AKT3: variants seen among roughly 807,000 people sequenced by gnomAD.
AKT3 encodes AKT serine/threonine kinase 3.
Under a neutral mutation model 65.3 loss-of-function variants are expected in AKT3, and 15 were observed. The observed-to-expected ratio is 0.23, with a 90% CI of 0.15 to 0.35. The LOEUF is 0.35. Ranked by LOEUF, AKT3 falls within the 10% of genes least tolerant of loss-of-function variation. The pLI, the probability that AKT3 is intolerant of heterozygous loss-of-function variation, is 1.00. For synonymous variants in AKT3, 206 were observed against 183.8 expected (o/e 1.12, Z -0.98); for missense variants, 243 against 576.5 (o/e 0.42, Z 5.92).
intron 2 of AKT3, among the ~76,000 whole-genome samples, chr1:243,775,509 C>T (rs1381441478): frequency 1.3e-5 from 2 of 152,144 alleles, no homozygotes; most frequent in East Asian, 3.9e-4. Context: ...AGTCACTCAC[C>T]CACCGGCCAT....
intron 2 of AKT3, among the ~76,000 whole-genome samples, chr1:243,760,282 CTTTTT>C (rs58733457): frequency 6.2e-5 from 5 of 80,912 alleles, no homozygotes; most frequent in South Asian, 5.6e-4. Flanking sequence ...CTATATCTGG[CTTTTT>C]TTTTTTTTTT....
chr1:243,771,571 T>A (rs1690187272), intron 2 of AKT3, among the ~76,000 whole-genome samples: 1 of 152,068 alleles, frequency 6.6e-6, no homozygotes, highest in Non-Finnish European at 1.5e-5. Context: ...AACTTCAGAG[T>A]TAGCTATCTG....
At chr1:243,515,808 G>C (rs1650989142) in intron 12 of AKT3, among the ~76,000 whole-genome samples, 1 of 152,004 alleles carries the variant, frequency 6.6e-6, no homozygotes, top group Non-Finnish European at 1.5e-5. Context: ...GGCTAACATG[G>C]GAAACCCCCG....
At chr1:243,570,913 T>C (rs576338556) in intron 9 of AKT3, among the ~76,000 whole-genome samples, 87 of 152,382 alleles carry the variant, frequency 5.7e-4, no homozygotes, top group Non-Finnish European at 1.1e-3. Context: ...TGGTAACTAA[T>C]TGACTGATAT....
chr1:243,543,399 T>C (rs1484029904), intron 12 of AKT3, among the ~76,000 whole-genome samples: 1 of 152,216 alleles, frequency 6.6e-6, no homozygotes, highest in Non-Finnish European at 1.5e-5. Flanking sequence ...TCCTTGAATT[T>C]ACAGGGCCAC....
intron 8 of AKT3, among the ~76,000 whole-genome samples, chr1:243,585,822 T>C (rs1292885900): frequency 6.6e-6 from 1 of 152,112 alleles, no homozygotes. Flanking sequence ...TTCTTGACAT[T>C]GGCACTGGAA....
intron 2 of AKT3, among the ~76,000 whole-genome samples, chr1:243,701,232 A>G (rs1004355628): frequency 4.6e-5 from 7 of 152,254 alleles, no homozygotes; most frequent in Admixed American, 1.3e-4. Flanking sequence ...GAATATCTAG[A>G]TTTGTTCAGA....
At chr1:243,714,647 A>T (rs937596927) in intron 2 of AKT3, among the ~76,000 whole-genome samples, 2 of 152,214 alleles carry the variant, frequency 1.3e-5, no homozygotes, top group African/African-American at 4.8e-5. Context: ...TTAAATAGTT[A>T]TTAAGTACTC....
intron 12 of AKT3, among the ~76,000 whole-genome samples, chr1:243,542,742 C>G (rs1672405966): frequency 2.0e-5 from 3 of 152,112 alleles, no homozygotes; most frequent in Non-Finnish European, 4.4e-5. Context: ...AACCCCCAGG[C>G]TGGTTCTCAA....
intron 3 of AKT3, among the ~76,000 whole-genome samples, chr1:243,677,877 A>G (rs1331667457): frequency 6.6e-6 from 1 of 152,154 alleles, no homozygotes; most frequent in Admixed American, 6.5e-5. Flanking sequence ...ACCTGAGGTC[A>G]GGAGTTCGAG....
At chr1:243,526,503 G>A (rs1017275350) in intron 12 of AKT3, among the ~76,000 whole-genome samples, 2 of 152,020 alleles carry the variant, frequency 1.3e-5, no homozygotes, top group East Asian at 1.9e-4. Context: ...AATCTCCCAC[G>A]AGAATCTTAA....
chr1:243,659,283 A>C (rs1397743679), intron 4 of AKT3, among the ~76,000 whole-genome samples: 1 of 152,194 alleles, frequency 6.6e-6, no homozygotes, highest in Non-Finnish European at 1.5e-5. Context: ...ATGGAGAGCT[A>C]CTGTTCAATG....
chr1:243,685,717 A>G (rs903287386), intron 3 of AKT3, among the ~76,000 whole-genome samples: 1 of 152,090 alleles, frequency 6.6e-6, no homozygotes, highest in African/African-American at 2.4e-5. Flanking sequence ...GCCCTCTCTC[A>G]CCACTCCTAT....
chr1:243,589,046 G>A (rs912745289), intron 8 of AKT3, among the ~76,000 whole-genome samples: 1 of 152,030 alleles, frequency 6.6e-6, no homozygotes, highest in Non-Finnish European at 1.5e-5. Flanking sequence ...AGTGGCTCAC[G>A]CCTGCAATCC....
intron 2 of AKT3, among the ~76,000 whole-genome samples, chr1:243,798,522 G>A (rs1558821356): frequency 6.8e-6 from 1 of 147,038 alleles, no homozygotes; most frequent in East Asian, 2.0e-4. Context: ...TCATAGGCAT[G>A]AGACTTTGTG....
At position 243,502,214 on chromosome 1, in the gene AKT3, T is replaced by C; in HGVS notation, c.*3035A>G. Reference sequence around the variant, plus strand: ...CAGTACAAACAGTAGCAGCAAAGTGTGTATGTTGAGGTGTAATAGAGAGAC... The same window carrying C: ...CAGTACAAACAGTAGCAGCAAAGTGCGTATGTTGAGGTGTAATAGAGAGAC... On this transcript the variant is annotated 3_prime_UTR_variant, in exon 14 of 14. Coordinates refer to ENST00000673466, the MANE Select transcript of AKT3 (RefSeq NM_005465.7). 4.3e-6 allele frequency: 1 copy of C among 232,470 alleles called. No individual in the cohort carries two copies. The highest frequency in any genetic ancestry group is 5.6e-5 in the Admixed American group (1 of 17,768). 14.4% of individuals were successfully genotyped at this position (232,470 alleles called of 1,614,324 possible). A position where few individuals can be genotyped will look rare whatever the true frequency, so the allele number is the denominator to read the frequency against.
chr1:243,689,482 ATTTTTTTTT>A (rs11354558), intron 3 of AKT3, among the ~76,000 whole-genome samples: 3 of 128,388 alleles, frequency 2.3e-5, no homozygotes, highest in African/African-American at 5.9e-5. Context: ...TTATTCAAAG[ATTTTTTTTT>A]TTTTTTTTTT....
At chr1:243,578,906 A>C (rs1204388341) in intron 8 of AKT3, among the ~76,000 whole-genome samples, 2 of 152,222 alleles carry the variant, frequency 1.3e-5, no homozygotes, top group Non-Finnish European at 2.9e-5. Flanking sequence ...CCAGATACAT[A>C]AACTTTTCTA....
At chr1:243,680,608 T>C (rs1198570720) in intron 3 of AKT3, among the ~76,000 whole-genome samples, 1 of 152,064 alleles carries the variant, frequency 6.6e-6, no homozygotes, top group Non-Finnish European at 1.5e-5. Flanking sequence ...AAAATAAAGA[T>C]ATAGGGGTGA....
Sources: allele counts gnomAD v4.1 joint callset (sites outside exome capture counted in the v4.1 genomes callset), GRCh38; gene constraint gnomAD v4.1.1; transcripts MANE v1.5; gene names NCBI Gene and HGNC (gene_info 2026-07-23, HGNC 2026-07-21).